SNX24: variants seen among roughly 807,000 people sequenced by gnomAD.
SNX24 encodes sorting nexin 24.
SNX24 carries 22 observed loss-of-function variants against 28.7 expected under a neutral mutation model. The ratio of observed to expected loss-of-function variants is 0.77; its 90% CI spans 0.55 to 1.10. The LOEUF (loss-of-function observed/expected upper bound fraction) is 1.10. SNX24 is among the 50% of genes least tolerant of loss of function. The pLI is 0.00. For missense variants in SNX24, 221 were observed against 201.1 expected, an observed-to-expected ratio of 1.10 and a Z score of -0.60; for synonymous variants, 69 against 71.5, an observed-to-expected ratio of 0.96 and a Z score of 0.18.
At chr5:122,876,634 A>G (rs1313633419) in intron 1 of SNX24, among the ~76,000 whole-genome samples, 1 of 152,232 alleles carries the variant, frequency 6.6e-6, no homozygotes. Context: ...GTATGATTCT[A>G]TACCTCAAGG....
At chr5:122,863,291 A>G (rs987207075) in intron 1 of SNX24, among the ~76,000 whole-genome samples, 4 of 152,126 alleles carry the variant, frequency 2.6e-5, no homozygotes, top group Admixed American at 2.0e-4. Flanking sequence ...TCCAAGGGAA[A>G]TGTCTTTTAG....
chr5:122,909,690 T>C (rs1317751384), intron 1 of SNX24, among the ~76,000 whole-genome samples: 1 of 152,210 alleles, frequency 6.6e-6, no homozygotes, highest in Non-Finnish European at 1.5e-5. Context: ...TGTTTCTTTG[T>C]AGCTCCCATT....
At chr5:122,857,269 C>A (rs1453540398) in intron 1 of SNX24, among the ~76,000 whole-genome samples, 1 of 152,172 alleles carries the variant, frequency 6.6e-6, no homozygotes, top group African/African-American at 2.4e-5. Flanking sequence ...GCCTCAGCCT[C>A]CCAAAGTGCT....
chr5:123,023,837 C>T, intron 5 of SNX24: 1 of 1,592,304 alleles, frequency 6.3e-7, no homozygotes, highest in Non-Finnish European at 8.6e-7. Flanking sequence ...CACACACACA[C>T]CCCTGCCAAA....
intron 1 of SNX24, among the ~76,000 whole-genome samples, chr5:122,869,620 A>T (rs145850129): frequency 6.6e-6 from 1 of 152,332 alleles, no homozygotes; most frequent in Non-Finnish European, 1.5e-5. Context: ...ATTGAAATTA[A>T]CTTAGGATAT....
intron 1 of SNX24, among the ~76,000 whole-genome samples, chr5:122,903,277 T>G (rs1757514207): frequency 1.3e-5 from 2 of 152,024 alleles, no homozygotes; most frequent in African/African-American, 2.4e-5. Context: ...CTGGCTAATA[T>G]TCGTATTTTT....
At chr5:122,881,996 G>T (rs1431810418) in intron 1 of SNX24, among the ~76,000 whole-genome samples, 60 of 150,458 alleles carry the variant, frequency 4.0e-4, no homozygotes, top group African/African-American at 1.4e-3. Flanking sequence ...TTGAGACAAG[G>T]TCCCACTCTG....
At chr5:122,940,722 C>A (rs1041313814) in intron 2 of SNX24, among the ~76,000 whole-genome samples, 1 of 152,100 alleles carries the variant, frequency 6.6e-6, no homozygotes, top group Non-Finnish European at 1.5e-5. Flanking sequence ...CAGGCATGTA[C>A]CACCATGCTC....
At chr5:122,859,651 ATATTTGAGGATATT>A (rs1371562350) in intron 1 of SNX24, among the ~76,000 whole-genome samples, 1 of 152,150 alleles carries the variant, frequency 6.6e-6, no homozygotes, top group African/African-American at 2.4e-5. Context: ...ACTCTGTAAA[ATATTTGAGGATATT>A]TATTCTGAAC....
rs1375411489 is a variant in SNX24 at position 122,945,977 on chromosome 5, T to TC, written c.145-74dup. On this transcript the variant is annotated intron_variant, in intron 2 of 6. Transcript: ENST00000261369. ...TTCACTTTCTTTTATTGGCCTTTTT[T>TC]CCCCAAATAATATCACTATAATTAA... 28 of 711,626 alleles carry TC rather than the reference T, an allele frequency of 3.9e-5. No individual in the cohort carries two copies. In the African/African-American group the frequency reaches 5.1e-4, roughly 13 times the overall value. The allele number at this position is 711,626 out of a possible 1,614,324, so 44.1% of individuals were successfully genotyped here.
In SNX24 at chr5:123,001,560, T is replaced by C. The variant is rs972416899; in HGVS notation, c.377+123T>C. On this transcript the variant is annotated intron_variant, in intron 5 of 6. Coordinates refer to ENST00000261369, the MANE Select transcript of SNX24 (RefSeq NM_014035.4). ...TTTGTTTGGAAATTGGTTTTAAGATTATAAATATTTGATAGGGAATTACAG... is the reference window on the plus strand; with the variant it reads ...TTTGTTTGGAAATTGGTTTTAAGATCATAAATATTTGATAGGGAATTACAG... 5.4e-6 allele frequency: 4 copies of C among 739,704 alleles called. No homozygotes were observed. The African/African-American group carries it at 7.1e-5, about 13-fold the overall frequency. 45.8% of individuals were successfully genotyped at this position (739,704 alleles called of 1,614,324 possible). A position where few individuals can be genotyped will look rare whatever the true frequency, so the allele number is the denominator to read the frequency against.
At chr5:122,898,213 A>G (rs1757286117) in intron 1 of SNX24, among the ~76,000 whole-genome samples, 1 of 152,208 alleles carries the variant, frequency 6.6e-6, no homozygotes, top group Non-Finnish European at 1.5e-5. Flanking sequence ...GTGGAACTTT[A>G]GGACATAGAT....
At chr5:122,866,890 A>G (rs1233504107) in intron 1 of SNX24, among the ~76,000 whole-genome samples, 1 of 152,210 alleles carries the variant, frequency 6.6e-6, no homozygotes, top group Non-Finnish European at 1.5e-5. Flanking sequence ...TGATGGAAGC[A>G]TTCCTCACTA....
intron 1 of SNX24, among the ~76,000 whole-genome samples, chr5:122,853,177 A>G (rs534318518): frequency 5.6e-5 from 7 of 124,352 alleles, no homozygotes; most frequent in Non-Finnish European, 1.1e-4. Flanking sequence ...CCCAGGCTGG[A>G]ATGCAGTGGC....
intron 5 of SNX24, among the ~76,000 whole-genome samples, chr5:123,028,312 A>T (rs1158981134): frequency 1.3e-5 from 2 of 152,204 alleles, no homozygotes; most frequent in Non-Finnish European, 2.9e-5. Context: ...ATGATGAAAG[A>T]TTTTGAAAGA....
intron 1 of SNX24, among the ~76,000 whole-genome samples, chr5:122,869,900 T>TTG (rs1001517180): frequency 7.9e-5 from 12 of 151,696 alleles, no homozygotes; most frequent in African/African-American, 2.9e-4. Flanking sequence ...GCTATGAGTT[T>TTG]TTTTTTTTTT....
chr5:123,012,343 A>T (rs1292230419), downstream of SNX24, among the ~76,000 whole-genome samples: 1 of 152,236 alleles, frequency 6.6e-6, no homozygotes, highest in African/African-American at 2.4e-5. Context: ...ATAAAAAGGA[A>T]ATTCTGACAC....
rs1757769339 is a variant in SNX24 at position 122,909,067 on chromosome 5, AT to A, written c.61-27666del. On this transcript the variant is annotated intron_variant, in intron 1 of 6. Coordinates refer to ENST00000261369, the MANE Select transcript of SNX24 (RefSeq NM_014035.4). ...TGTATTACCTATTCAAAATACTGTTATAAAAAGACATGCACTTATTCCACAT... is the reference window on the plus strand; with the variant it reads ...TGTATTACCTATTCAAAATACTGTTAAAAAAGACATGCACTTATTCCACAT... Among the ~76,000 whole-genome samples the A allele has an allele frequency of 2.6e-5, 4 of 152,162 alleles. No individual in the cohort carries two copies. In the South Asian group the frequency reaches 8.3e-4, roughly 32 times the overall value.
intron 1 of SNX24, among the ~76,000 whole-genome samples, chr5:122,888,134 A>G (rs1283212386): frequency 1.3e-5 from 2 of 152,136 alleles, no homozygotes; most frequent in African/African-American, 4.8e-5. Context: ...TGAGCAGATT[A>G]AGTGTTCTTT....
Sources: allele counts gnomAD v4.1 joint callset (sites outside exome capture counted in the v4.1 genomes callset), GRCh38; gene constraint gnomAD v4.1.1; transcripts MANE v1.5; gene names NCBI Gene and HGNC (gene_info 2026-07-23, HGNC 2026-07-21).